The following GPR39 variants were observed in gnomAD, a reference collection of about 807,000 sequenced individuals.
GPR39 encodes zinc sensing receptor.
Under a neutral mutation model 18.4 loss-of-function variants are expected in GPR39, and 23 were observed. The ratio of observed to expected loss-of-function variants is 1.25; its 90% confidence interval spans 0.90 to 1.77. The LOEUF is 1.77. GPR39 is among the 40% of genes most tolerant of loss of function. The probability of loss-of-function intolerance (pLI) is 0.00; values close to 1 mark genes in which losing one functional copy is unlikely to be tolerated. For synonymous variants in GPR39, 280 were observed against 257.9 expected (o/e 1.09, Z -0.82); for missense variants, 647 against 602.4 (o/e 1.07, Z -0.78).
At chr2:132,528,169 C>G (rs1000750067) in intron 1 of GPR39, among the ~76,000 whole-genome samples, 15 of 152,156 alleles carry the variant, frequency 9.9e-5, no homozygotes, top group Non-Finnish European at 1.9e-4. Flanking sequence ...TTTCCCAGTA[C>G]CACTTATTAA....
At chr2:132,580,960 CA>C (rs538565776) in intron 1 of GPR39, among the ~76,000 whole-genome samples, 989 of 55,280 alleles carry the variant, frequency 0.018, 1 homozygote, top group South Asian at 0.042. Flanking sequence ...GACTCTGTCT[CA>C]AAAAAAAAAA....
intron 1 of GPR39, among the ~76,000 whole-genome samples, chr2:132,463,950 C>T (rs896701116): frequency 1.3e-5 from 2 of 152,158 alleles, no homozygotes. Flanking sequence ...GACCAACTTC[C>T]TGTAAGCAGC....
intron 1 of GPR39, among the ~76,000 whole-genome samples, chr2:132,580,973 C>A (rs189504890): frequency 0.057 from 5,264 of 92,434 alleles, 277 homozygotes; most frequent in African/African-American, 0.18. Flanking sequence ...AAAAAAAAAA[C>A]AAAAAAAAAA....
At chr2:132,492,926 TAC>T (rs1558814837) in intron 1 of GPR39, among the ~76,000 whole-genome samples, 2 of 143,566 alleles carry the variant, frequency 1.4e-5, no homozygotes, top group East Asian at 4.2e-4. Flanking sequence ...ACCATATATA[TAC>T]ACCATATATA....
intron 1 of GPR39, among the ~76,000 whole-genome samples, chr2:132,451,013 A>G (rs915322464): frequency 6.6e-6 from 1 of 152,164 alleles, no homozygotes; most frequent in East Asian, 1.9e-4. Context: ...CCAGAGGAAA[A>G]GGGCTGGTGG....
chr2:132,529,238 A>C (rs1472321415), intron 1 of GPR39, among the ~76,000 whole-genome samples: 1 of 152,216 alleles, frequency 6.6e-6, no homozygotes, highest in South Asian at 2.1e-4. Context: ...TCCTATGCAC[A>C]TGTAGCCTCG....
At chr2:132,584,991 C>G (rs886934053) in intron 1 of GPR39, among the ~76,000 whole-genome samples, 1 of 152,168 alleles carries the variant, frequency 6.6e-6, no homozygotes, top group Admixed American at 6.5e-5. Context: ...TCCTGCCCCC[C>G]ACCATCAGGG....
chr2:132,512,510 A>G (rs1679259649), intron 1 of GPR39, among the ~76,000 whole-genome samples: 1 of 152,176 alleles, frequency 6.6e-6, no homozygotes, highest in South Asian at 2.1e-4. Flanking sequence ...CACCTCAGGC[A>G]GATCAGAGGT....
intron 1 of GPR39, among the ~76,000 whole-genome samples, chr2:132,517,976 G>A (rs1319928563): frequency 1.3e-5 from 2 of 152,122 alleles, no homozygotes; most frequent in Admixed American, 1.3e-4. Flanking sequence ...GCTATGTTTG[G>A]GGGGAATGGT....
intron 1 of GPR39, among the ~76,000 whole-genome samples, chr2:132,490,021 G>A (rs1420344109): frequency 6.6e-6 from 1 of 151,718 alleles, no homozygotes; most frequent in Non-Finnish European, 1.5e-5. Context: ...CCTGGCATGT[G>A]GCACCGTGCT....
At chr2:132,424,209 C>T (rs1183390385) in intron 1 of GPR39, among the ~76,000 whole-genome samples, 1 of 152,176 alleles carries the variant, frequency 6.6e-6, no homozygotes, top group Non-Finnish European at 1.5e-5. Context: ...TTGTTAAAAT[C>T]TATTGAACAA....
At chr2:132,638,963 C>T (rs571170168) in intron 1 of GPR39, among the ~76,000 whole-genome samples, 2 of 152,302 alleles carry the variant, frequency 1.3e-5, no homozygotes, top group South Asian at 2.1e-4. Flanking sequence ...TGTGTTTCTC[C>T]ATCCCCTGCT....
At chr2:132,483,958 G>A (rs1173676505) in intron 1 of GPR39, among the ~76,000 whole-genome samples, 4 of 152,156 alleles carry the variant, frequency 2.6e-5, no homozygotes, top group Non-Finnish European at 4.4e-5. Flanking sequence ...GTTAGTTGGT[G>A]GATCAAAGTG....
intron 1 of GPR39, among the ~76,000 whole-genome samples, chr2:132,586,580 T>C (rs1680736284): frequency 6.6e-6 from 1 of 152,188 alleles, no homozygotes; most frequent in Non-Finnish European, 1.5e-5. Context: ...ACTCCCACTT[T>C]CCTGGATAGA....
intron 1 of GPR39, among the ~76,000 whole-genome samples, chr2:132,454,945 T>G (rs1048375360): frequency 6.6e-5 from 10 of 152,210 alleles, no homozygotes; most frequent in Non-Finnish European, 1.3e-4. Context: ...AAATTCTCTT[T>G]TTTTGTTGTG....
chr2:132,417,824 C>A lies in GPR39; in HGVS notation c.782C>A (p.Thr261Lys), dbSNP rs72999238. ...KSQKGSLAGG[T>K]RPPQLRKSES... The stretch of plus-strand genomic sequence containing the variant: ...CAGAAGGGCTCGCTGGCCGGGGGCA[C>A]GCGGCCTCCGCAGCTGAGGAAGTCC... The change falls in exon 1 of 2, where the codon ACG (threonine) becomes AAG (lysine). Residue 261 changes from threonine (T) to lysine (K), a missense_variant. Physicochemically the swap from Thr to Lys is moderately conservative, Grantham distance 78. This residue lies in a region of GPR39 where 581 missense variants were observed against 506.8 expected (regional missense o/e 1.15). Transcript: ENST00000329321. 5 of 1,613,696 alleles carry A rather than the reference C, an allele frequency of 3.1e-6. No individual in the cohort carries two copies. Among genetic ancestry groups the A allele is most frequent in the South Asian group, 2.2e-5 (2 of 91,082 alleles).
At chr2:132,440,882 C>T (rs1300284537) in intron 1 of GPR39, among the ~76,000 whole-genome samples, 14 of 152,170 alleles carry the variant, frequency 9.2e-5, no homozygotes, top group Admixed American at 2.0e-4. Context: ...TTTCCACAAC[C>T]GGTGTGTGTG....
chr2:132,424,412 A>G lies in GPR39; in HGVS notation c.856+6514A>G, dbSNP rs377541448. Among the ~76,000 whole-genome samples the G allele has an allele frequency of 3.3e-5, 5 of 152,318 alleles. No homozygotes were observed. In the East Asian group the frequency reaches 7.7e-4, roughly 24 times the overall value. On this transcript the variant is annotated intron_variant, in intron 1 of 1. Transcript: ENST00000329321. ...TCTCTCTCAAGAGTGAGCCACACTTATCACCCCAGGGTAGGAATAAGCAGC... is the reference window on the plus strand; with the variant it reads ...TCTCTCTCAAGAGTGAGCCACACTTGTCACCCCAGGGTAGGAATAAGCAGC...
intron 1 of GPR39, among the ~76,000 whole-genome samples, chr2:132,546,332 C>T (rs772348976): frequency 2.4e-4 from 36 of 152,064 alleles, no homozygotes; most frequent in Non-Finnish European, 4.3e-4. Flanking sequence ...AACAAGAGGC[C>T]CCACAGGGCA....
Sources: gnomAD v4.1 joint callset for allele counts (sites outside exome capture counted in the v4.1 genomes callset) on GRCh38, gnomAD v4.1.1 for gene constraint, gnomAD v4.1.1 regional missense constraint, MANE v1.5 for transcripts, NCBI Gene and HGNC (gene_info 2026-07-23, HGNC 2026-07-21) for gene names.